ESPN: variants seen among roughly 807,000 people sequenced by gnomAD.
The protein encoded by ESPN is espin.
ESPN carries 68 observed loss-of-function variants against 77.7 expected under a neutral mutation model. The ratio of observed to expected loss-of-function variants is 0.87; its 90% confidence interval spans 0.72 to 1.07. The LOEUF (loss-of-function observed/expected upper bound fraction) is 1.07. Ranked by LOEUF, ESPN falls within the 50% of genes least tolerant of loss-of-function variation. The pLI is 0.00. For synonymous variants in ESPN, 449 were observed against 567.1 expected (o/e 0.79, Z 2.96); for missense variants, 1,060 against 1,239.0 (o/e 0.86, Z 2.17).
intron 10 of ESPN, chr1:6,456,669 A>T (rs886406789): frequency 3.7e-5 from 8 of 218,328 alleles, no homozygotes; most frequent in African/African-American, 1.8e-4. Context: ...TCTTTGCTGT[A>T]AACTGCCTGC....
rs1184859523 is a variant in ESPN, at chr1:6,425,180, C to T, written c.225C>T (p.His75=). The change falls in exon 1 of 13, where the codon CAC becomes CAT. Residue 75 remains histidine (H), a synonymous_variant. Transcript: ENST00000645284. ...CCCGCAACGGCGCCACACCGGCCCA[C>T]GACGCCTCCGCCACCGGCCACCTCG... ...ARARNGATPA[H]DASATGHLAC... 5.9e-6 allele frequency: 9 copies of T among 1,536,360 alleles called. No homozygotes were observed. Among genetic ancestry groups the T allele is most frequent in the Non-Finnish European group, 7.8e-6 (9 of 1,148,052 alleles).
chr1:6,454,462 C>G (rs879399376), intron 10 of ESPN: 15 of 398,870 alleles, frequency 3.8e-5, no homozygotes, highest in Admixed American at 8.8e-5. Flanking sequence ...TGCTGCTACC[C>G]CCGCGAGGGC....
rs530006901 is a variant in ESPN at position 6,430,712 on chromosome 1, G to C, written c.488+2293G>C. ...CTTGAACCCGGCAGACGGAGGTTGC[G>C]GTGAGCCAAGATTGAGCCATTGCAC... On this transcript the variant is annotated intron_variant, in intron 2 of 12. Transcript: ENST00000645284. Among the ~76,000 whole-genome samples, 142 of 152,200 alleles carry C rather than the reference G, an allele frequency of 9.3e-4. 1 individual carries two copies. Among genetic ancestry groups the C allele is most frequent in the African/African-American group, 3.3e-3 (136 of 41,518 alleles).
In ESPN at chr1:6,457,983, G is replaced by A. The variant is rs762230026; in HGVS notation, c.2417+611G>A. 7.3e-4 allele frequency among the ~76,000 whole-genome samples: 108 copies of A among 148,566 alleles called. 1 individual carries two copies. Among genetic ancestry groups the A allele is most frequent in the Non-Finnish European group, 1.3e-3 (86 of 67,588 alleles). ...GCCCAGAAGTCTGAGACCAGCCTGG[G>A]CAATGCAGTGAGACCTCATTCTGCG... On this transcript the variant is annotated intron_variant, in intron 12 of 12. Coordinates refer to ENST00000645284, the MANE Select transcript of ESPN (RefSeq NM_031475.3).
In ESPN at chr1:6,441,078, A is replaced by C. The variant is rs3817909; in HGVS notation, c.990+13A>C. 22 of 1,609,326 alleles carry C rather than the reference A, an allele frequency of 1.4e-5. No individual in the cohort carries two copies. The East Asian group carries it at 2.7e-4, about 20-fold the overall frequency. On this transcript the variant is annotated intron_variant, in intron 5 of 12. Coordinates refer to ENST00000645284, the MANE Select transcript of ESPN (RefSeq NM_031475.3). The stretch of plus-strand genomic sequence containing the variant: ...GGTGGAGAACCTGGTACGATCCCTG[A>C]GCTGCTCCTGTCGCATTCTTTCTTC...
chr1:6,444,178 A>G (rs2148524773), intron 5 of ESPN, among the ~76,000 whole-genome samples: 1 of 152,230 alleles, frequency 6.6e-6, no homozygotes, highest in African/African-American at 2.4e-5. Flanking sequence ...ATCTCCTGGC[A>G]TTTCTCCCCT....
At position 6,460,118 on chromosome 1, in the gene ESPN, T is replaced by C. The variant is rs1644131933; in HGVS notation, c.2537T>C (p.Leu846Pro). 6.2e-7 allele frequency: 1 copy of C among 1,612,764 alleles called. No homozygotes were observed. The highest frequency in any genetic ancestry group is 8.5e-7 in the Non-Finnish European group (1 of 1,180,018). The part of the protein sequence containing the change: ...KLAPWQRQVI[L>P]KKGDIAKY The stretch of plus-strand genomic sequence containing the variant: ...GCGCCCTGGCAGCGACAGGTCATCC[T>C]GAAGAAGGGGGACATCGCTAAGTAC... The change falls in exon 13 of 13, where the codon CTG becomes CCG. Residue 846 changes from leucine to proline, a missense_variant. Physicochemically the swap from Leu to Pro is moderately conservative, Grantham distance 98. Around this residue, in one of 3 missense-constraint regions of ESPN, gnomAD observed 374 missense variants for 381.4 expected, o/e 0.98. Transcript: ENST00000645284.
chr1:6,444,288 C>T (rs1479555663), intron 5 of ESPN, among the ~76,000 whole-genome samples, 193 bp from the exon 6 acceptor site: 2 of 152,186 alleles, frequency 1.3e-5, no homozygotes, highest in Non-Finnish European at 2.9e-5. Flanking sequence ...GGTCCTGCTG[C>T]CTGGCGGGGC....
chr1:6,425,358 C>G, intron 1 of ESPN, 109 bp downstream of exon 1: 1 of 1,321,244 alleles, frequency 7.6e-7, no homozygotes, highest in Non-Finnish European at 1.0e-6. Context: ...ACCTCCTGGC[C>G]CAGCTGAACC....
At chr1:6,436,289 C>G (rs1643435024) in intron 2 of ESPN, among the ~76,000 whole-genome samples, 1 of 152,112 alleles carries the variant, frequency 6.6e-6, no homozygotes, top group African/African-American at 2.4e-5. Context: ...CCTCAGTTTC[C>G]TCATCTGTAC....
chr1:6,443,693 G>A (rs1221164173), intron 5 of ESPN, among the ~76,000 whole-genome samples: 3 of 152,354 alleles, frequency 2.0e-5, no homozygotes, highest in South Asian at 2.1e-4. Context: ...GCCAATGAGC[G>A]CGGCCGCTGA....
intron 10 of ESPN, among the ~76,000 whole-genome samples, chr1:6,452,894 T>TTTATTTA (rs1310221415): frequency 5.1e-4 from 69 of 136,008 alleles, no homozygotes; most frequent in African/African-American, 1.8e-3. Context: ...GCCATTTATT[T>TTTATTTA]TTATTTTTTA....
rs114619616 is a variant in ESPN at position 6,430,459 on chromosome 1, G to A, written c.488+2040G>A. Among the ~76,000 whole-genome samples the A allele has an allele frequency of 9.9e-3, 1,510 of 152,300 alleles. 22 individuals carry two copies. The highest frequency in any genetic ancestry group is 0.034 in the African/African-American group (1,407 of 41,546). Reference sequence around the variant, plus strand: ...GGGTGTTATAACAGAAAGCGCTTGAGATTGCAGGAATGTCCTGCACGTCCC... The same window carrying A: ...GGGTGTTATAACAGAAAGCGCTTGAAATTGCAGGAATGTCCTGCACGTCCC... On this transcript the variant is annotated intron_variant, in intron 2 of 12. Coordinates refer to ENST00000645284, the MANE Select transcript of ESPN (RefSeq NM_031475.3).
Position 6,427,275 on chromosome 1 carries a change from G to T in ESPN, c.295-951G>T, listed in dbSNP as rs1454245735. Among the ~76,000 whole-genome samples the T allele has an allele frequency of 1.3e-5, 2 of 152,108 alleles. No homozygotes were observed. The highest frequency in any genetic ancestry group is 1.9e-4 in the East Asian group (1 of 5,182). On this transcript the variant is annotated intron_variant, in intron 1 of 12. Transcript: ENST00000645284. This position sits in a 1 kb window ranked among gnomAD's most constrained non-coding sequence, Gnocchi z 4.6. Reference sequence around the variant, plus strand: ...TCCTATGTGCTTGGTGCTGGGAGGTGGTTCTGTTCCCGAACCAGTACCCAC... The same window carrying T: ...TCCTATGTGCTTGGTGCTGGGAGGTTGTTCTGTTCCCGAACCAGTACCCAC...
Position 6,451,908 on chromosome 1 carries a change from C to T in ESPN, c.2137C>T (p.Gln713Ter). 4 of 1,611,150 alleles carry T rather than the reference C, an allele frequency of 2.5e-6. No individual in the cohort carries two copies. Among genetic ancestry groups the T allele is most frequent in the Non-Finnish European group, 3.4e-6 (4 of 1,178,972 alleles). The change falls in exon 10 of 13, where the codon CAG (glutamine) becomes TAG (stop). Residue 713 changes from glutamine (Q) to a stop codon, truncating the protein, a stop_gained. Transcript: ENST00000645284. LOFTEE classifies it high-confidence loss of function. This position sits in a 1 kb window ranked among gnomAD's most constrained non-coding sequence, Gnocchi z 4.3. ...CCCCACACCGCCAGCTGCGGGGTTT[C>T]AGCCGCTGCTCAATGGAAGCTTGGT... is the stretch of plus-strand genomic sequence containing the variant. ...RSPTPPAAGF[Q>*]PLLNGSLVPV... is the part of the protein sequence containing the mutation.
rs1188413037 is a variant in ESPN at position 6,428,913 on chromosome 1, C to T, written c.488+494C>T. Among the ~76,000 whole-genome samples the T allele has an allele frequency of 2.0e-5, 3 of 152,178 alleles. No individual in the cohort carries two copies. The highest frequency in any genetic ancestry group is 2.9e-5 in the Non-Finnish European group (2 of 68,022). ...CCCCTCCCAGACCCCCACCCCACCT[C>T]CTGGCCCCAGAGCCCCTGGCTGGAG... On this transcript the variant is annotated intron_variant, in intron 2 of 12. Coordinates refer to ENST00000645284, the MANE Select transcript of ESPN (RefSeq NM_031475.3). The surrounding 1 kb of genome is among the most constrained non-coding windows in gnomAD (Gnocchi z 5.4).
chr1:6,435,202 T>C (rs1300978479), intron 2 of ESPN, among the ~76,000 whole-genome samples: 1 of 151,562 alleles, frequency 6.6e-6, no homozygotes, highest in Non-Finnish European at 1.5e-5. Context: ...TCGGTGAATT[T>C]CAATTCAAAG....
downstream of ESPN, chr1:6,461,279 G>T (rs966539864): frequency 3.2e-6 from 3 of 948,794 alleles, no homozygotes; most frequent in African/African-American, 3.3e-5. The surrounding 1 kb of genome is among the most constrained non-coding windows in gnomAD (Gnocchi z 6.3). Context: ...TGGCTGGAGC[G>T]ATAGGGGCGA....
chr1:6,458,029 AT>A (rs1338170846), intron 12 of ESPN, among the ~76,000 whole-genome samples: 31 of 141,706 alleles, frequency 2.2e-4, no homozygotes, highest in African/African-American at 5.6e-4. Context: ...AAAAAAAAAA[AT>A]TTTTTTTTGA....
Sources: gnomAD v4.1 joint callset for allele counts (sites outside exome capture counted in the v4.1 genomes callset) on GRCh38, gnomAD v4.1.1 for gene constraint, gnomAD v4.1.1 regional missense constraint, Gnocchi (gnomAD v3.1) non-coding constraint, MANE v1.5 for transcripts, NCBI Gene and HGNC (gene_info 2026-07-23, HGNC 2026-07-21) for gene names.